The following PWWP2A variants were observed in gnomAD, a reference collection of about 807,000 sequenced individuals.
PWWP2A encodes PWWP domain containing 2A, also known as PWWP domain-containing protein 2A.
A neutral mutation model predicts 48.5 loss-of-function variants in PWWP2A; 18 were observed. The ratio of observed to expected loss-of-function variants is 0.37; its 90% CI spans 0.26 to 0.55. The LOEUF (loss-of-function observed/expected upper bound fraction) is 0.55. PWWP2A is among the 20% of genes least tolerant of loss of function. The pLI is 0.81. For synonymous variants in PWWP2A, 396 were observed against 387.7 expected (o/e 1.02, Z -0.25); for missense variants, 867 against 976.4 (o/e 0.89, Z 1.49).
rs987363345 is a variant in PWWP2A, at chr5:160,093,569, C to T, written c.1081G>A (p.Val361Met). The part of the protein sequence containing the change: ...KKRRNESVTT[V>M]NKKLKTDHKV... ...TGGTCAGTTTTCAGTTTTTTGTTCACAGTAGTTACACTTTCATTTCTCCGT... is the reference window on the plus strand; with the variant it reads ...TGGTCAGTTTTCAGTTTTTTGTTCATAGTAGTTACACTTTCATTTCTCCGT... Residue 361 changes from valine (V) to methionine (M), a missense_variant, in exon 2 of 2, where the codon GTG becomes ATG. Around this residue, in one of 4 missense-constraint regions of PWWP2A, gnomAD observed 382 missense variants for 407.2 expected, o/e 0.94. Coordinates refer to ENST00000307063, the MANE Select transcript of PWWP2A (RefSeq NM_001130864.2). This position sits in a 1 kb window ranked among gnomAD's most constrained non-coding sequence, Gnocchi z 5.8. 6.2e-7 allele frequency: 1 copy of T among 1,613,380 alleles called. No individual in the cohort carries two copies. Among genetic ancestry groups the T allele is most frequent in the African/African-American group, 1.3e-5 (1 of 74,806 alleles).
chr5:160,093,234 G>C lies in PWWP2A; in HGVS notation c.1416C>G (p.Pro472=), dbSNP rs1755265436. Residue 472 remains proline (P), a synonymous_variant, in exon 2 of 2, where the codon CCC becomes CCG. Coordinates refer to ENST00000307063, the MANE Select transcript of PWWP2A (RefSeq NM_001130864.2). The surrounding 1 kb of genome is among the most constrained non-coding windows in gnomAD (Gnocchi z 5.8). ...YQNPSSGSLP[P]RVRLKPQRYR... is the part of the protein sequence containing the mutation. ...ACCTCTGTGGTTTTAAACGAACCCG[G>C]GGTGGAAGGGAACCTGAGCTAGGAT... is the stretch of plus-strand genomic sequence containing the variant. 6.2e-7 allele frequency: 1 copy of C among 1,614,036 alleles called. No individual in the cohort carries two copies. Among genetic ancestry groups the C allele is most frequent in the South Asian group, 1.1e-5 (1 of 91,082 alleles).
chr5:160,113,419 TG>T (rs1757791556), intron 1 of PWWP2A: 1 of 780,114 alleles, frequency 1.3e-6, no homozygotes, highest in Non-Finnish European at 1.6e-6. Context: ...TTAAATCCTG[TG>T]TTCTAGACTC....
intron 2 of PWWP2A, among the ~76,000 whole-genome samples, chr5:160,069,481 G>C (rs757154765): frequency 2.6e-5 from 4 of 152,104 alleles, no homozygotes; most frequent in Non-Finnish European, 5.9e-5. Flanking sequence ...GTGTTATTTC[G>C]TTAAGTGTGT....
Position 160,093,449 on chromosome 5 carries a change from C to T in PWWP2A, c.1201G>A (p.Val401Ile). 1.9e-6 allele frequency: 3 copies of T among 1,613,520 alleles called. No individual in the cohort carries two copies. Among genetic ancestry groups the T allele is most frequent in the Non-Finnish European group, 2.5e-6 (3 of 1,179,778 alleles). ...IAHSRGRVVK[V>I]SAQANTSKAQ... The stretch of plus-strand genomic sequence containing the variant: ...TTTGATGTATTTGCCTGAGCAGAAA[C>T]TTTTACTACTCTGCCTCTGCTGTGA... Residue 401 changes from valine (V) to isoleucine (I), a missense_variant, in exon 2 of 2, where the codon GTT becomes ATT. Coordinates refer to ENST00000307063, the MANE Select transcript of PWWP2A (RefSeq NM_001130864.2). This position sits in a 1 kb window ranked among gnomAD's most constrained non-coding sequence, Gnocchi z 5.8.
chr5:160,109,769 AAAAAAATATATATATAT>A (rs1464584640), intron 1 of PWWP2A, among the ~76,000 whole-genome samples: 13 of 65,802 alleles, frequency 2.0e-4, no homozygotes, highest in African/African-American at 7.0e-4. Context: ...AAAAAAAAAA[AAAAAAATATATATATAT>A]ATATATATAT....
In PWWP2A at chr5:160,119,220, G is replaced by T; in HGVS notation, c.169C>A (p.Gln57Lys). 6.9e-7 allele frequency: 1 copy of T among 1,441,144 alleles called. No individual in the cohort carries two copies. The highest frequency in any genetic ancestry group is 3.1e-5 in the Admixed American group (1 of 32,414). The allele number at this position is 1,441,144 out of a possible 1,614,324, so 89.3% of individuals were successfully genotyped here. A position where few individuals can be genotyped will look rare whatever the true frequency, so the allele number is the denominator to read the frequency against. Residue 57 changes from glutamine to lysine, a missense_variant, in exon 1 of 2, where the codon CAG becomes AAG. Gln to Lys is a moderately conservative substitution (Grantham distance 53, BLOSUM62 1). This residue lies in a region of PWWP2A where 385 missense variants were observed against 396.9 expected (regional missense o/e 0.97). Transcript: ENST00000307063. ...TCGTCGGCCTGAGGAGCGGATTGCT[G>T]CCCGTCAGTCTCGCCATCCGGCACA... ...ASVPDGETDG[Q>K]QSAPQADEPP...
In PWWP2A at chr5:160,078,740, C is replaced by T. The variant is rs922970194; in HGVS notation, c.1670-572G>A. ...CTCCCCAGAAGTAGACACAGCACAT[C>T]GGAAGGCATGAAGAGCACCATTTTG... On this transcript the variant is annotated intron_variant, in intron 3 of 3. Transcript: ENST00000456329. The surrounding 1 kb of genome is among the most constrained non-coding windows in gnomAD (Gnocchi z 4.2). Among the ~76,000 whole-genome samples the T allele has an allele frequency of 1.3e-5, 2 of 152,136 alleles. No individual in the cohort carries two copies. The highest frequency in any genetic ancestry group is 2.4e-5 in the African/African-American group (1 of 41,436).
rs904089422 is a variant in PWWP2A, at chr5:160,093,380, C to G, written c.1270G>C (p.Asp424His). The change falls in exon 2 of 2, where the codon GAT (aspartate) becomes CAT (histidine). Residue 424 changes from aspartate (D) to histidine (H), a missense_variant. By Grantham distance (81) the Asp-to-His change is moderately conservative. Around this residue, in one of 4 missense-constraint regions of PWWP2A, gnomAD observed 382 missense variants for 407.2 expected, o/e 0.94. Transcript: ENST00000307063. This position sits in a 1 kb window ranked among gnomAD's most constrained non-coding sequence, Gnocchi z 5.8. ...AACACTTCCCGAGCTTTCGCATGAT[C>G]CATGTTCTTACTCTGGAGAACTTTT... ...TKKVLQSKNM[D>H]HAKAREVLKI... 4 of 1,613,774 alleles carry G rather than the reference C, an allele frequency of 2.5e-6. No individual in the cohort carries two copies. The highest frequency in any genetic ancestry group is 3.4e-6 in the Non-Finnish European group (4 of 1,179,852).
intron 2 of PWWP2A, among the ~76,000 whole-genome samples, chr5:160,067,328 T>C (rs927627212): frequency 6.6e-6 from 1 of 152,140 alleles, no homozygotes; most frequent in East Asian, 1.9e-4. Flanking sequence ...AAAATACAGA[T>C]AGACACCTTG....
downstream of PWWP2A, among the ~76,000 whole-genome samples, chr5:160,057,942 A>G (rs1443058914): frequency 3.3e-5 from 5 of 151,922 alleles, no homozygotes; most frequent in African/African-American, 1.2e-4. The surrounding 1 kb of genome is among the most constrained non-coding windows in gnomAD (Gnocchi z 4.4). Context: ...TAATTTTTCT[A>G]TTTTTGTAGA....
chr5:160,103,896 TG>T (rs1756566977), intron 1 of PWWP2A, among the ~76,000 whole-genome samples: 1 of 150,686 alleles, frequency 6.6e-6, no homozygotes, highest in Non-Finnish European at 1.5e-5. Flanking sequence ...CCGAGGTGGG[TG>T]GATCACTTGA....
At chr5:160,048,584 A>C in the PWWP2A span, among the ~76,000 whole-genome samples, 2 of 152,244 alleles carry the variant, frequency 1.3e-5, no homozygotes, top group Non-Finnish European at 2.9e-5. Context: ...GATATTATGC[A>C]TCAACCACCT....
chr5:160,105,252 A>C (rs1195944383), intron 1 of PWWP2A, among the ~76,000 whole-genome samples: 2 of 149,412 alleles, frequency 1.3e-5, no homozygotes, highest in African/African-American at 4.9e-5. Flanking sequence ...AAAAAAAAAA[A>C]AAAAAAAAAA....
intron 2 of PWWP2A, among the ~76,000 whole-genome samples, chr5:160,083,808 T>C (rs1290778001): frequency 6.6e-6 from 1 of 152,068 alleles, no homozygotes; most frequent in African/African-American, 2.4e-5. Context: ...TAAGGGAGAG[T>C]AGAATAGGAA....
intron 2 of PWWP2A, among the ~76,000 whole-genome samples, chr5:160,068,419 G>A (rs1262195618): frequency 6.6e-6 from 1 of 151,940 alleles, no homozygotes; most frequent in African/African-American, 2.4e-5. Flanking sequence ...GGCCAATGTG[G>A]TGAAACCTCG....
downstream of PWWP2A, among the ~76,000 whole-genome samples, chr5:160,088,130 CA>C (rs1754785942): frequency 6.6e-6 from 1 of 152,160 alleles, no homozygotes; most frequent in Non-Finnish European, 1.5e-5. Context: ...AAATCAGAAC[CA>C]GGTAAAAGTA....
At chr5:160,069,471 G>A (rs1753692045) in intron 2 of PWWP2A, among the ~76,000 whole-genome samples, 2 of 152,142 alleles carry the variant, frequency 1.3e-5, no homozygotes, top group Admixed American at 1.3e-4. Flanking sequence ...TTTCTTAGTA[G>A]TGTTATTTCG....
the PWWP2A span, among the ~76,000 whole-genome samples, chr5:160,045,547 CTCTCT>C: frequency 1.4e-5 from 2 of 146,518 alleles, no homozygotes; most frequent in Non-Finnish European, 1.5e-5. Context: ...CTCTCTCTCT[CTCTCT>C]CCCCCTCCCC....
chr5:160,089,724 A>G (rs1165754737), downstream of PWWP2A: 2 of 1,239,834 alleles, frequency 1.6e-6, no homozygotes, highest in East Asian at 1.2e-4. Flanking sequence ...TCCCCTGGCC[A>G]ATCCTTTGTT....
Sources: allele counts gnomAD v4.1 joint callset (sites outside exome capture counted in the v4.1 genomes callset), GRCh38; gene constraint gnomAD v4.1.1; regional missense constraint gnomAD v4.1.1; non-coding constraint Gnocchi (gnomAD v3.1); transcripts MANE v1.5; gene names NCBI Gene and HGNC (gene_info 2026-07-23, HGNC 2026-07-21).